Variants in RPS6KA4 observed in about 807,000 individuals in gnomAD.
RPS6KA4 encodes the protein ribosomal protein S6 kinase A4.
RPS6KA4 carries 38 observed loss-of-function variants against 89.6 expected under a neutral mutation model. The observed-to-expected ratio is 0.42, with a 90% CI of 0.33 to 0.56. The LOEUF (loss-of-function observed/expected upper bound fraction) is 0.56. Among genes scored for constraint, RPS6KA4 ranks in the 20% least tolerant of loss-of-function variants. RPS6KA4 has a pLI of 0.07. For missense variants in RPS6KA4, 873 were observed against 1,098.8 expected (o/e 0.79, Z 2.90); for synonymous variants, 495 against 492.8 (o/e 1.00, Z -0.06).
Position 64,369,873 on chromosome 11 carries a change from T to C in RPS6KA4, c.1777T>C (p.Trp593Arg), listed in dbSNP as rs1196552562. Residue 593 changes from tryptophan (W) to arginine (R), a missense_variant, in exon 14 of 17, where the codon TGG becomes CGG. Transcript: ENST00000334205. ...QQGYDESCDLWSLGVILYMML... is the reference protein window; with the variant it reads ...QQGYDESCDLRSLGVILYMML... ...GGGCTACGACGAGTCCTGCGACCTC[T>C]GGAGCCTGGGCGTCATTCTGGTATG... The C allele has an allele frequency of 1.3e-6, 2 of 1,552,030 alleles. No individual in the cohort carries two copies. The highest frequency in any genetic ancestry group is 2.0e-5 in the Admixed American group (1 of 51,236).
chr11:64,369,023 G>C (rs921026943), intron 12 of RPS6KA4, among the ~76,000 whole-genome samples: 1 of 152,194 alleles, frequency 6.6e-6, no homozygotes, highest in Non-Finnish European at 1.5e-5. Context: ...CGGGCGCGAT[G>C]GCTCACGCCT....
chr11:64,360,239 C>T lies in RPS6KA4; in HGVS notation c.204C>T (p.Arg68=). ...AGCTGTACGCCATGAAGGTGCTGCG[C>T]AAGGCGGCGCTGGTGCAGCGCGCCA... ...AGKLYAMKVL[R]KAALVQRAKT... is the part of the protein sequence containing the mutation. The change falls in exon 3 of 17, where the codon CGC becomes CGT. Residue 68 remains arginine (R), a synonymous_variant. Coordinates refer to ENST00000334205, the MANE Select transcript of RPS6KA4 (RefSeq NM_003942.3). 1.9e-6 allele frequency: 3 copies of T among 1,547,992 alleles called. No homozygotes were observed. Among genetic ancestry groups the T allele is most frequent in the Non-Finnish European group, 1.7e-6 (2 of 1,146,706 alleles).
Position 64,371,294 on chromosome 11 carries a change from G to T in RPS6KA4, c.2133G>T (p.Arg711=), listed in dbSNP as rs372415504. The T allele has an allele frequency of 5.1e-5, 83 of 1,612,614 alleles. No individual in the cohort carries two copies. Among genetic ancestry groups the T allele is most frequent in the Middle Eastern group, 1.6e-4 (1 of 6,082 alleles). The change falls in exon 17 of 17, where the codon CGG becomes CGT. Residue 711 remains arginine (R), a synonymous_variant. Transcript: ENST00000334205. ...GLNATFMAFN[R]GKREGFFLKS... ...TTCCTTTCTGCCAGGCATTCAACCG[G>T]GGCAAGCGGGAGGGCTTCTTCCTGA... is the stretch of plus-strand genomic sequence containing the variant.
intron 8 of RPS6KA4, among the ~76,000 whole-genome samples, chr11:64,364,679 C>G (rs1198617307): frequency 6.6e-6 from 1 of 151,878 alleles, no homozygotes; most frequent in Non-Finnish European, 1.5e-5. Context: ...AGTTCCAGAC[C>G]ACATCCTCTT....
intron 9 of RPS6KA4, 145 bp downstream of exon 9, chr11:64,365,610 A>G (rs1048357626): frequency 1.7e-5 from 13 of 786,768 alleles, no homozygotes; most frequent in Non-Finnish European, 2.4e-5. Context: ...CTTCAGTGGG[A>G]CCTAGGGTTG....
At chr11:64,371,101 CAAAAAAAAAAAA>C (rs374004148) in intron 16 of RPS6KA4, among the ~76,000 whole-genome samples, 170 bp from the exon 17 acceptor site, 24 of 88,768 alleles carry the variant, frequency 2.7e-4, no homozygotes, top group Non-Finnish European at 2.6e-4. Context: ...GAGACTCCGT[CAAAAAAAAAAAA>C]AAAAAAAAAA....
chr11:64,361,883 C>A lies in RPS6KA4; in HGVS notation c.787C>A (p.Pro263Thr), dbSNP rs772788703. The change falls in exon 8 of 17, where the codon CCT becomes ACT. Residue 263 changes from proline to threonine, a missense_variant. By Grantham distance (38) the Pro-to-Thr change is conservative. Coordinates refer to ENST00000334205, the MANE Select transcript of RPS6KA4 (RefSeq NM_003942.3). The surrounding 1 kb of genome is among the most constrained non-coding windows in gnomAD (Gnocchi z 4.7). ...CCTGAAGTGCTCCCCTCCCTTCCCC[C>A]CTCGGATCGGGCCCGTGGCGCAGGA... The part of the protein sequence containing the change: ...RILKCSPPFP[P>T]RIGPVAQDLL... 51 of 1,612,890 alleles carry A rather than the reference C, an allele frequency of 3.2e-5. No individual in the cohort carries two copies. The highest frequency in any genetic ancestry group is 1.8e-4 in the Admixed American group (11 of 59,922).
At chr11:64,371,083 G>A (rs990135672) in intron 16 of RPS6KA4, among the ~76,000 whole-genome samples, 200 bp from the exon 17 acceptor site, 2 of 139,962 alleles carry the variant, frequency 1.4e-5, no homozygotes, top group South Asian at 2.4e-4. Context: ...CAGCCTGGGC[G>A]ACAGAGGGAG....
chr11:64,369,954 T>A (rs2037013709), intron 14 of RPS6KA4, 61 bp downstream of exon 14: 13 of 1,430,474 alleles, frequency 9.1e-6, no homozygotes, highest in Non-Finnish European at 5.5e-6. Flanking sequence ...CTTCCTGATG[T>A]GCAGCAGCAC....
In RPS6KA4 at chr11:64,365,283, C is replaced by T; in HGVS notation, c.907-18C>T. 1 of 1,609,226 alleles carries T rather than the reference C, an allele frequency of 6.2e-7. No individual in the cohort carries two copies. Among genetic ancestry groups the T allele is most frequent in the Non-Finnish European group, 8.5e-7 (1 of 1,176,902 alleles). ...GTTCCTGGCCTTTGACACCTGACCTCTGATTCCCTTCCCTCAGGGCCTCGA... is the reference window on the plus strand; with the variant it reads ...GTTCCTGGCCTTTGACACCTGACCTTTGATTCCCTTCCCTCAGGGCCTCGA... On this transcript the variant is annotated intron_variant, in intron 8 of 16. Transcript: ENST00000334205.
rs1226243733 is a variant in RPS6KA4 at position 64,365,303 on chromosome 11, C to G, written c.909C>G (p.Gly303=). 1 of 1,612,430 alleles carries G rather than the reference C, an allele frequency of 6.2e-7. No individual in the cohort carries two copies. The highest frequency in any genetic ancestry group is 8.5e-7 in the Non-Finnish European group (1 of 1,178,972). Residue 303 remains glycine, a splice_region_variant and synonymous_variant, in exon 9 of 17, where the codon GGC becomes GGG. Coordinates refer to ENST00000334205, the MANE Select transcript of RPS6KA4 (RefSeq NM_003942.3). ...QEVRNHPFFQ[G]LDWVALAARK... ...GACCTCTGATTCCCTTCCCTCAGGG[C>G]CTCGATTGGGTGGCTCTGGCTGCCA... is the stretch of plus-strand genomic sequence containing the variant.
At chr11:64,359,585 G>T in intron 2 of RPS6KA4, 136 bp downstream of exon 2, 1 of 861,286 alleles carries the variant, frequency 1.2e-6, no homozygotes, top group Admixed American at 2.6e-5. Flanking sequence ...TGCCTGCCCC[G>T]CCCTGCCTCG....
intron 12 of RPS6KA4, 124 bp from the exon 13 acceptor site, chr11:64,369,322 G>A (rs989269217): frequency 1.4e-6 from 1 of 714,930 alleles, no homozygotes; most frequent in African/African-American, 2.4e-5. Context: ...GAAAGAAAAA[G>A]GACTTTGAGG....
chr11:64,364,214 C>T (rs2036824697), intron 8 of RPS6KA4, among the ~76,000 whole-genome samples: 1 of 150,992 alleles, frequency 6.6e-6, no homozygotes, highest in Non-Finnish European at 1.5e-5. Flanking sequence ...CATGGTCCAA[C>T]ATGGTTGCTG....
chr11:64,361,762 G>T lies in RPS6KA4; in HGVS notation c.755+17G>T. 6.3e-7 allele frequency: 1 copy of T among 1,592,462 alleles called. No individual in the cohort carries two copies. Among genetic ancestry groups the T allele is most frequent in the Non-Finnish European group, 8.5e-7 (1 of 1,171,190 alleles). On this transcript the variant is annotated intron_variant, in intron 7 of 16. Coordinates refer to ENST00000334205, the MANE Select transcript of RPS6KA4 (RefSeq NM_003942.3). The surrounding 1 kb of genome is among the most constrained non-coding windows in gnomAD (Gnocchi z 4.7). ...GGTGTCTCGGTGAGTAGGGCTGGAC[G>T]TGGAGGGCGGCCAGAGGGCTGCAGG...
rs916221474 is a variant in RPS6KA4 at position 64,365,580 on chromosome 11, G to A, written c.1071+115G>A. On this transcript the variant is annotated intron_variant, in intron 9 of 16. Coordinates refer to ENST00000334205, the MANE Select transcript of RPS6KA4 (RefSeq NM_003942.3). ...CCTTGTGTCCTGATTGGGACTCAGC[G>A]TCTCCCCTAGACGTCGCCACTTCAG... 1.7e-5 allele frequency: 20 copies of A among 1,174,578 alleles called. No homozygotes were observed. The Admixed American group carries it at 3.1e-4, about 18-fold the overall frequency. The allele number at this position is 1,174,578 out of a possible 1,614,324, so 72.8% of individuals were successfully genotyped here.
chr11:64,364,740 T>G lies in RPS6KA4; in HGVS notation c.907-561T>G, dbSNP rs568796476. 9.4e-5 allele frequency among the ~76,000 whole-genome samples: 14 copies of G among 148,514 alleles called. No individual in the cohort carries two copies. The East Asian group carries it at 2.6e-3, about 27-fold the overall frequency. ...GATTTGTTTTTCACGCCAACTCTTT[T>G]TTTTTTTTTTTTTTTGAGATGGGGT... On this transcript the variant is annotated intron_variant, in intron 8 of 16. Coordinates refer to ENST00000334205, the MANE Select transcript of RPS6KA4 (RefSeq NM_003942.3).
intron 8 of RPS6KA4, among the ~76,000 whole-genome samples, chr11:64,364,896 C>T (rs567074457): frequency 5.6e-4 from 84 of 148,684 alleles, no homozygotes; most frequent in East Asian, 2.7e-3. Flanking sequence ...TGCACCACCA[C>T]GCCCAGCTAA....
intron 12 of RPS6KA4, 146 bp from the exon 13 acceptor site, chr11:64,369,300 C>CAAAT: frequency 1.3e-6 from 1 of 748,686 alleles, no homozygotes; most frequent in Non-Finnish European, 2.0e-6. Flanking sequence ...AAAAAAGTAA[C>CAAAT]AAAGAAAGAA....
Sources: allele counts gnomAD v4.1 joint callset (sites outside exome capture counted in the v4.1 genomes callset), GRCh38; gene constraint gnomAD v4.1.1; non-coding constraint Gnocchi (gnomAD v3.1); transcripts MANE v1.5; gene names NCBI Gene and HGNC (gene_info 2026-07-23, HGNC 2026-07-21).